Variants in UBE2Q2 observed in about 807,000 individuals in gnomAD.
UBE2Q2 encodes ubiquitin conjugating enzyme E2 Q2.
In UBE2Q2, 54 loss-of-function variants were observed where a neutral mutation model predicts 59.9. The ratio of observed to expected loss-of-function variants is 0.90; its 90% CI spans 0.72 to 1.13. The LOEUF is 1.13. Among genes scored for constraint, UBE2Q2 ranks in the 50% most tolerant of loss-of-function variants. UBE2Q2 has a pLI of 0.00. For synonymous variants in UBE2Q2, 165 were observed against 155.2 expected (o/e 1.06, Z -0.47); for missense variants, 433 against 441.9 (o/e 0.98, Z 0.18).
chr15:75,853,504 A>ATATG (rs540862057), intron 1 of UBE2Q2, among the ~76,000 whole-genome samples: 299 of 151,528 alleles, frequency 2.0e-3, no homozygotes, highest in African/African-American at 2.9e-3. Flanking sequence ...ATATATATAT[A>ATATG]TATGTATGTA....
intron 1 of UBE2Q2, chr15:75,844,057 T>C: frequency 7.1e-7 from 1 of 1,406,410 alleles, no homozygotes; most frequent in Non-Finnish European, 9.2e-7. Context: ...TCTTTCCGGC[T>C]TCTCGCCAGG....
chr15:75,867,083 C>T (rs1379365230), intron 3 of UBE2Q2, among the ~76,000 whole-genome samples: 1 of 152,130 alleles, frequency 6.6e-6, no homozygotes, highest in Non-Finnish European at 1.5e-5. Context: ...TGTGGCCTCC[C>T]CCTCCTGGTT....
At chr15:75,883,839 TACACACACACAC>T (rs10524276) in intron 9 of UBE2Q2, among the ~76,000 whole-genome samples, 141,062 of 151,988 alleles carry the variant, frequency 0.93, 65,950 homozygotes, top group East Asian at 1. Flanking sequence ...TATTTATACA[TACACACACACAC>T]ACACACACAC....
chr15:75,844,630 C>A lies in UBE2Q2; in HGVS notation c.180+784C>A, dbSNP rs1206684708. 6 of 872,254 alleles carry A rather than the reference C, an allele frequency of 6.9e-6. No homozygotes were observed. In the South Asian group the frequency reaches 1.0e-4, roughly 14 times the overall value. 54.0% of individuals were successfully genotyped at this position (872,254 alleles called of 1,614,324 possible). ...GAAAAGACACTTTTAAAAACTCACT[C>A]ATTAAGCGGAAATCTCATTAGAAAC... On this transcript the variant is annotated intron_variant, in intron 1 of 12. Coordinates refer to ENST00000267938, the MANE Select transcript of UBE2Q2 (RefSeq NM_173469.4).
chr15:75,889,408 G>A (rs1420932633), intron 9 of UBE2Q2, among the ~76,000 whole-genome samples: 1 of 152,162 alleles, frequency 6.6e-6, no homozygotes, highest in Non-Finnish European at 1.5e-5. Flanking sequence ...AATTATTAAT[G>A]TTAGTGGTCT....
chr15:75,843,871 C>T, intron 1 of UBE2Q2, 25 bp downstream of exon 1: 1 of 1,534,104 alleles, frequency 6.5e-7, no homozygotes. Flanking sequence ...CGCGGCCCCG[C>T]GGGGCAGGGC....
chr15:75,888,753 G>T (rs1898930488), intron 9 of UBE2Q2, among the ~76,000 whole-genome samples: 1 of 152,134 alleles, frequency 6.6e-6, no homozygotes, highest in Admixed American at 6.6e-5. Flanking sequence ...TACTTGTCTT[G>T]TGTTCAACAA....
At chr15:75,849,628 T>C (rs1439494167) in intron 1 of UBE2Q2, among the ~76,000 whole-genome samples, 1 of 152,232 alleles carries the variant, frequency 6.6e-6, no homozygotes, top group Non-Finnish European at 1.5e-5. Context: ...ATGGTGGGGA[T>C]GGTAGTGGTG....
intron 1 of UBE2Q2, among the ~76,000 whole-genome samples, chr15:75,844,847 T>C (rs1896247124): frequency 6.6e-6 from 1 of 152,144 alleles, no homozygotes; most frequent in Non-Finnish European, 1.5e-5. Context: ...TTTAACTCCC[T>C]TTGGTTGAGT....
intron 6 of UBE2Q2, among the ~76,000 whole-genome samples, chr15:75,877,159 CAAAAAA>C (rs59289858): frequency 4.4e-5 from 3 of 67,666 alleles, no homozygotes; most frequent in Non-Finnish European, 7.7e-5. Context: ...GAGACTCTGT[CAAAAAA>C]AAAAAAAAAA....
chr15:75,887,549 G>A (rs930692124), intron 9 of UBE2Q2, among the ~76,000 whole-genome samples: 4 of 151,966 alleles, frequency 2.6e-5, no homozygotes, highest in African/African-American at 7.3e-5. Context: ...AAACAGGTCT[G>A]TGGACTGGCC....
At chr15:75,870,503 C>T (rs570526579) in intron 4 of UBE2Q2, among the ~76,000 whole-genome samples, 2 of 152,154 alleles carry the variant, frequency 1.3e-5, no homozygotes, top group African/African-American at 4.8e-5. Context: ...CTTTTTTGTG[C>T]GCCCAGTTTA....
In UBE2Q2 at chr15:75,869,757, G is replaced by A. The variant is rs141546471; in HGVS notation, c.447+747G>A. ...TGGCAACACCTGCATTTTGGAGGGA[G>A]CACATTTAAATCATAGCAAATTTAG... On this transcript the variant is annotated intron_variant, in intron 4 of 12. Coordinates refer to ENST00000267938, the MANE Select transcript of UBE2Q2 (RefSeq NM_173469.4). 8.1e-3 allele frequency among the ~76,000 whole-genome samples: 1,226 copies of A among 152,290 alleles called. 7 individuals are homozygous for A. Among genetic ancestry groups the A allele is most frequent in the Middle Eastern group, 0.031 (9 of 294 alleles).
rs542930983 is a variant in UBE2Q2, at chr15:75,844,721, T to C, written c.180+875T>C. 4 of 387,716 alleles carry C rather than the reference T, an allele frequency of 1.0e-5. No individual in the cohort carries two copies. The East Asian group carries it at 1.9e-4, about 18-fold the overall frequency. The allele number at this position is 387,716 out of a possible 1,614,324, so 24.0% of individuals were successfully genotyped here. On this transcript the variant is annotated intron_variant, in intron 1 of 12. Transcript: ENST00000267938. ...TAAAAGTGTATCGTGAAGCTATTCGTCGTGAAATTGATGTAGGATATTGGT... is the reference window on the plus strand; with the variant it reads ...TAAAAGTGTATCGTGAAGCTATTCGCCGTGAAATTGATGTAGGATATTGGT...
intron 11 of UBE2Q2, among the ~76,000 whole-genome samples, chr15:75,895,868 C>T (rs918247626): frequency 6.6e-6 from 1 of 152,086 alleles, no homozygotes; most frequent in African/African-American, 2.4e-5. Context: ...CACAGCAGCT[C>T]TACTCTAGGA....
intron 5 of UBE2Q2, among the ~76,000 whole-genome samples, chr15:75,874,286 C>CTT (rs112714715): frequency 6.4e-5 from 9 of 139,870 alleles, no homozygotes; most frequent in East Asian, 2.1e-4. Flanking sequence ...ACTTAACATC[C>CTT]TTTTTTTTTT....
intron 3 of UBE2Q2, among the ~76,000 whole-genome samples, chr15:75,864,607 TAAA>T (rs34148087): frequency 2.2e-5 from 3 of 134,652 alleles, no homozygotes; most frequent in East Asian, 2.1e-4. Context: ...CTGTAGATTC[TAAA>T]AAAAAAAAAA....
chr15:75,858,423 A>AC (rs901433777), intron 2 of UBE2Q2, among the ~76,000 whole-genome samples: 1 of 152,136 alleles, frequency 6.6e-6, no homozygotes, highest in African/African-American at 2.4e-5. Context: ...AGTCACCCAT[A>AC]CCCAAACCTG....
chr15:75,874,404 C>G (rs1409590938), intron 5 of UBE2Q2, among the ~76,000 whole-genome samples: 1 of 151,970 alleles, frequency 6.6e-6, no homozygotes, highest in East Asian at 1.9e-4. Context: ...CTGCCTCACC[C>G]TCCTGTGCAG....
Sources: gnomAD v4.1 joint callset for allele counts (sites outside exome capture counted in the v4.1 genomes callset) on GRCh38, gnomAD v4.1.1 for gene constraint, MANE v1.5 for transcripts, NCBI Gene and HGNC (gene_info 2026-07-23, HGNC 2026-07-21) for gene names.